GREB1: variants seen among roughly 807,000 people sequenced by gnomAD.
The protein encoded by GREB1 is protein GREB1.
Under a neutral mutation model 200.7 loss-of-function variants are expected in GREB1, and 106 were observed. That is an observed-to-expected ratio of 0.53 (90% CI 0.45 to 0.62). GREB1 has a LOEUF of 0.62. Among genes scored for constraint, GREB1 ranks in the 20% least tolerant of loss-of-function variants. The pLI is 0.00. For missense variants in GREB1, 2,243 were observed against 2,556.8 expected (o/e 0.88, Z 2.65); for synonymous variants, 1,132 against 1,092.4 (o/e 1.04, Z -0.72).
chr2:11,494,732 G>C (rs1194860198), intron 1 of GREB1, among the ~76,000 whole-genome samples: 1 of 152,188 alleles, frequency 6.6e-6, no homozygotes, highest in Non-Finnish European at 1.5e-5. Context: ...ACTTGGGCAG[G>C]CTACTTAATG....
intron 17 of GREB1, among the ~76,000 whole-genome samples, chr2:11,602,788 A>C (rs886894663): frequency 1.3e-5 from 2 of 152,224 alleles, no homozygotes; most frequent in Non-Finnish European, 2.9e-5. Flanking sequence ...ATATGCTGGA[A>C]TGTGGAATTA....
chr2:11,601,247 G>A (rs777281181), intron 16 of GREB1, among the ~76,000 whole-genome samples: 20 of 152,152 alleles, frequency 1.3e-4, no homozygotes, highest in African/African-American at 3.9e-4. Context: ...GGTGACTGCC[G>A]CTTTCTGAGC....
At chr2:11,608,009 G>A (rs1208954180) in intron 17 of GREB1, among the ~76,000 whole-genome samples, 2 of 152,086 alleles carry the variant, frequency 1.3e-5, no homozygotes, top group Non-Finnish European at 2.9e-5. Flanking sequence ...CATTACCACT[G>A]CTTGATGCTG....
In GREB1 at chr2:11,556,512, C is replaced by A; in HGVS notation, c.-103C>A. The stretch of plus-strand genomic sequence containing the variant: ...TCTCTGCTGAGCGAAGGCTACACGG[C>A]CCTTCCTCCTTGCAGCTGTTTCACC... On this transcript the variant is annotated 5_prime_UTR_variant, in exon 2 of 33. Transcript: ENST00000381486. 1 of 922,024 alleles carries A rather than the reference C, an allele frequency of 1.1e-6. No individual in the cohort carries two copies. The highest frequency in any genetic ancestry group is 1.7e-6 in the Non-Finnish European group (1 of 597,778). The allele number at this position is 922,024 out of a possible 1,614,324, so 57.1% of individuals were successfully genotyped here.
At chr2:11,601,749 C>A (rs528007743) in intron 16 of GREB1, among the ~76,000 whole-genome samples, 15 of 152,188 alleles carry the variant, frequency 9.9e-5, no homozygotes, top group Non-Finnish European at 2.1e-4. Context: ...TGAGCTCATG[C>A]AAGAGGCAGG....
chr2:11,553,225 T>G (rs1252818502), intron 1 of GREB1, among the ~76,000 whole-genome samples: 1 of 151,726 alleles, frequency 6.6e-6, no homozygotes, highest in Non-Finnish European at 1.5e-5. Context: ...GTATGAAAAC[T>G]TTACTGGGCG....
chr2:11,552,928 T>G (rs974074784), intron 1 of GREB1, among the ~76,000 whole-genome samples: 2 of 145,314 alleles, frequency 1.4e-5, no homozygotes, highest in Non-Finnish European at 3.0e-5. Context: ...GAGAATGGCG[T>G]GAACCCGGGA....
chr2:11,501,895 G>GTTTTTTCT (rs1673049266), intron 1 of GREB1, among the ~76,000 whole-genome samples: 1 of 45,560 alleles, frequency 2.2e-5, no homozygotes, highest in Admixed American at 4.0e-4. Flanking sequence ...TGGATTTCCT[G>GTTTTTTCT]TTTTTTTTTG....
intron 1 of GREB1, among the ~76,000 whole-genome samples, chr2:11,490,363 C>T (rs1010564739): frequency 6.6e-6 from 1 of 152,146 alleles, no homozygotes. Context: ...TCAAGGTTTA[C>T]CCGTGTTGTA....
At chr2:11,613,166 T>C (rs1683092229) in intron 19 of GREB1, among the ~76,000 whole-genome samples, 1 of 152,168 alleles carries the variant, frequency 6.6e-6, no homozygotes, top group Non-Finnish European at 1.5e-5. Context: ...TGGAAAGTCT[T>C]AGCCACATAT....
At chr2:11,501,383 A>G (rs958694454) in intron 1 of GREB1, among the ~76,000 whole-genome samples, 10 of 152,188 alleles carry the variant, frequency 6.6e-5, no homozygotes, top group African/African-American at 2.4e-4. Flanking sequence ...GACCCAGCTC[A>G]TTAAAGACAG....
At chr2:11,564,966 A>G (rs933877021) in intron 3 of GREB1, among the ~76,000 whole-genome samples, 9 of 152,174 alleles carry the variant, frequency 5.9e-5, no homozygotes, top group Admixed American at 1.3e-4. Context: ...TCATGAGACA[A>G]ACTCACTATC....
chr2:11,639,185 G>T (rs1000249309), intron 32 of GREB1, among the ~76,000 whole-genome samples: 20 of 152,190 alleles, frequency 1.3e-4, no homozygotes, highest in Admixed American at 6.5e-5. Flanking sequence ...TGCCTCCTGG[G>T]TTCAAGTGAT....
At chr2:11,494,624 T>C (rs895864206) in intron 1 of GREB1, among the ~76,000 whole-genome samples, 3 of 152,206 alleles carry the variant, frequency 2.0e-5, no homozygotes, top group African/African-American at 7.2e-5. Context: ...ACACCTTTTT[T>C]AATGGGAGTG....
rs1234648705 is a variant in GREB1 at position 11,642,013 on chromosome 2, T to G, written c.*1559T>G. The G allele has an allele frequency of 1.3e-5, 2 of 152,304 alleles. No homozygotes were observed. The highest frequency in any genetic ancestry group is 6.5e-5 in the Admixed American group (1 of 15,292). The allele number at this position is 152,304 out of a possible 1,614,324, so 9.4% of individuals were successfully genotyped here. On this transcript the variant is annotated 3_prime_UTR_variant, in exon 33 of 33. Transcript: ENST00000381486. Reference sequence around the variant, plus strand: ...TGGCTTCTGGACTCTGCAGTCCAGGTCTCCCTTCTCCCACTTGCCTACCCT... The same window carrying G: ...TGGCTTCTGGACTCTGCAGTCCAGGGCTCCCTTCTCCCACTTGCCTACCCT...
rs538394274 is a variant in GREB1, at chr2:11,577,055, C to T, written c.637+520C>T. On this transcript the variant is annotated intron_variant, in intron 5 of 32. Coordinates refer to ENST00000381486, the MANE Select transcript of GREB1 (RefSeq NM_014668.4). ...ATCTCAAAACAAACAAACAAACAAA[C>T]GAACAAAAAAAAAACGTTGACAGAG... 7.3e-5 allele frequency among the ~76,000 whole-genome samples: 11 copies of T among 150,952 alleles called. No homozygotes were observed. The East Asian group carries it at 1.2e-3, about 16-fold the overall frequency.
rs542615257 is a variant in GREB1, at chr2:11,637,733, C to T, written c.5364C>T (p.Ala1788=). The change falls in exon 31 of 33, where the codon GCC becomes GCT. Residue 1788 remains alanine (A), a synonymous_variant. Coordinates refer to ENST00000381486, the MANE Select transcript of GREB1 (RefSeq NM_014668.4). ...CCGTGCAGGTGTCTGATAACTCTGC[C>T]GCGGTCGTGCCGGCCCAGTACATCT... ...HITSKVSDNS[A]AVVPAQYICA... 1.3e-4 allele frequency: 202 copies of T among 1,613,382 alleles called. 2 individuals are homozygous for T. The Admixed American group carries it at 1.4e-3, about 11-fold the overall frequency.
chr2:11,520,829 G>A (rs77294520), intron 1 of GREB1, among the ~76,000 whole-genome samples: 2 of 152,090 alleles, frequency 1.3e-5, no homozygotes, highest in Non-Finnish European at 2.9e-5. Flanking sequence ...CGGGCTTTAG[G>A]GGGTGGCTGT....
chr2:11,634,173 C>G lies in GREB1; in HGVS notation c.5034C>G (p.Ile1678Met), dbSNP rs767900975. Residue 1678 changes from isoleucine (I) to methionine (M), a missense_variant, in exon 29 of 33, where the codon ATC becomes ATG. Ile to Met is a conservative substitution (Grantham distance 10). Transcript: ENST00000381486. ...AAAGGAACGTGTCTTTGAAGCACAT[C>G]ATGCAGCACATCGAGGCGGCCCCCG... ...WSERNVSLKH[I>M]MQHIEAAPDI... 1.2e-6 allele frequency: 2 copies of G among 1,614,248 alleles called. No individual in the cohort carries two copies. Among genetic ancestry groups the G allele is most frequent in the African/African-American group, 1.3e-5 (1 of 75,066 alleles).
Sources: allele counts gnomAD v4.1 joint callset (sites outside exome capture counted in the v4.1 genomes callset), GRCh38; gene constraint gnomAD v4.1.1; transcripts MANE v1.5; gene names NCBI Gene and HGNC (gene_info 2026-07-23, HGNC 2026-07-21).